The following PRKAG2 variants were observed in gnomAD, a reference collection of about 807,000 sequenced individuals.
The protein encoded by PRKAG2 is protein kinase AMP-activated non-catalytic subunit gamma 2, also known as 5'-AMP-activated protein kinase subunit gamma-2.
PRKAG2 carries 26 observed loss-of-function variants against 69.6 expected under a neutral mutation model. The observed-to-expected ratio is 0.37, with a 90% confidence interval of 0.27 to 0.52. PRKAG2 has a LOEUF of 0.52. Among genes scored for constraint, PRKAG2 ranks in the 20% least tolerant of loss-of-function variants. The probability of loss-of-function intolerance (pLI) is 0.90; values close to 1 mark genes in which losing one functional copy is unlikely to be tolerated. For missense variants in PRKAG2, 557 were observed against 740.0 expected, an observed-to-expected ratio of 0.75 and a Z score of 2.87; for synonymous variants, 293 against 285.0, an observed-to-expected ratio of 1.03 and a Z score of -0.28.
chr7:151,857,055 G>T (rs1448834493), intron 1 of PRKAG2, among the ~76,000 whole-genome samples: 1 of 149,946 alleles, frequency 6.7e-6, no homozygotes, highest in Non-Finnish European at 1.5e-5. Flanking sequence ...TGTAATTTTT[G>T]CAGGCAACAT....
intron 3 of PRKAG2, among the ~76,000 whole-genome samples, chr7:151,723,250 A>G (rs1797404344): frequency 6.6e-6 from 1 of 152,118 alleles, no homozygotes; most frequent in Non-Finnish European, 1.5e-5. Flanking sequence ...GGTTAATAGT[A>G]TACATTTTTG....
chr7:151,744,409 C>T (rs1017016579), intron 3 of PRKAG2, among the ~76,000 whole-genome samples: 12 of 152,148 alleles, frequency 7.9e-5, no homozygotes, highest in Non-Finnish European at 1.2e-4. Flanking sequence ...TGCCTAGCCT[C>T]CACTTGTCCC....
chr7:151,588,987 C>T (rs1812379863), intron 6 of PRKAG2, among the ~76,000 whole-genome samples: 1 of 152,170 alleles, frequency 6.6e-6, no homozygotes, highest in African/African-American at 2.4e-5. Flanking sequence ...CATGCCCATC[C>T]CTCTAACTTG....
In PRKAG2 at chr7:151,579,458, C is replaced by A. The variant is rs537568909; in HGVS notation, c.865-3006G>T. Among the ~76,000 whole-genome samples, 18 of 152,266 alleles carry A rather than the reference C, an allele frequency of 1.2e-4. No homozygotes were observed. In the South Asian group the frequency reaches 3.7e-3, roughly 32 times the overall value. Reference sequence around the variant, plus strand: ...TAGCCATAGCTATTGAAAACCTATGCCAGAAAGTTCTGAGTTTGGCATAAT... The same window carrying A: ...TAGCCATAGCTATTGAAAACCTATGACAGAAAGTTCTGAGTTTGGCATAAT... On this transcript the variant is annotated intron_variant, in intron 6 of 15. Transcript: ENST00000287878.
chr7:151,679,282 G>A (rs1247296364), intron 3 of PRKAG2, among the ~76,000 whole-genome samples: 2 of 152,148 alleles, frequency 1.3e-5, no homozygotes, highest in African/African-American at 4.8e-5. Context: ...AAGCCTGTGT[G>A]CTATTTTGTG....
At chr7:151,558,286 C>G in intron 15 of PRKAG2, 1 of 985,460 alleles carries the variant, frequency 1.0e-6, no homozygotes, top group Non-Finnish European at 1.2e-6. Flanking sequence ...ACCTTCTAAT[C>G]GAGTAACAGC....
chr7:151,686,937 T>TA (rs944366787), intron 3 of PRKAG2, among the ~76,000 whole-genome samples: 21 of 149,612 alleles, frequency 1.4e-4, no homozygotes, highest in Admixed American at 4.0e-4. Context: ...TATTTCTATT[T>TA]AAAAAAAAAA....
chr7:151,658,486 A>AGC (rs1322104894), intron 4 of PRKAG2, among the ~76,000 whole-genome samples: 9 of 150,438 alleles, frequency 6.0e-5, no homozygotes, highest in African/African-American at 2.2e-4. Flanking sequence ...TTGTCGCAAA[A>AGC]AAAAAAAAAA....
At chr7:151,875,809 C>T (rs2080383256) in intron 1 of PRKAG2, among the ~76,000 whole-genome samples, 1 of 152,106 alleles carries the variant, frequency 6.6e-6, no homozygotes, top group Non-Finnish European at 1.5e-5. Flanking sequence ...ATCCGAGTCG[C>T]CAATGTCCTC....
intron 3 of PRKAG2, among the ~76,000 whole-genome samples, chr7:151,702,840 C>G (rs1304599417): frequency 6.6e-6 from 1 of 152,184 alleles, no homozygotes; most frequent in African/African-American, 2.4e-5. Context: ...GCCCAAAGGT[C>G]TCTCCTGGGA....
chr7:151,692,259 C>T (rs1358598785), intron 3 of PRKAG2, among the ~76,000 whole-genome samples: 2 of 152,034 alleles, frequency 1.3e-5, no homozygotes, highest in Non-Finnish European at 2.9e-5. Flanking sequence ...TAGAACACTA[C>T]TCAGTAATAA....
In PRKAG2 at chr7:151,556,342, A is replaced by C. The variant is rs891546936; in HGVS notation, c.*859T>G. On this transcript the variant is annotated 3_prime_UTR_variant, in exon 16 of 16. Coordinates refer to ENST00000287878, the MANE Select transcript of PRKAG2 (RefSeq NM_016203.4). ...ATCAGCAGTCATAACAAACATCATGATTTTACATTTCAATACACAAGAAAA... is the reference window on the plus strand; with the variant it reads ...ATCAGCAGTCATAACAAACATCATGCTTTTACATTTCAATACACAAGAAAA... 1.3e-5 allele frequency: 2 copies of C among 152,578 alleles called. No homozygotes were observed. The highest frequency in any genetic ancestry group is 2.9e-5 in the Non-Finnish European group (2 of 68,054). The allele number at this position is 152,578 out of a possible 1,614,324, so 9.5% of individuals were successfully genotyped here.
rs1563689729 is a variant in PRKAG2, at chr7:151,795,881, AT to A, written c.115-9341del. On this transcript the variant is annotated intron_variant, in intron 1 of 15. Transcript: ENST00000287878. ...TATATATATATATATATATATATAT[AT>A]ATATATATCACGATAATATGTATAT... 8.6e-4 allele frequency among the ~76,000 whole-genome samples: 101 copies of A among 117,056 alleles called. 2 individuals are homozygous for A. Among genetic ancestry groups the A allele is most frequent in the African/African-American group, 3.1e-3 (91 of 29,458 alleles). The allele number at this position is 117,056 out of a possible 152,430, so 76.8% of individuals were successfully genotyped here.
At chr7:151,822,076 C>A (rs2078798554) in intron 1 of PRKAG2, among the ~76,000 whole-genome samples, 1 of 152,208 alleles carries the variant, frequency 6.6e-6, no homozygotes, top group Non-Finnish European at 1.5e-5. Flanking sequence ...GACCTCACCC[C>A]ATGACAACTG....
At chr7:151,630,932 A>G (rs1824255433) in intron 5 of PRKAG2, among the ~76,000 whole-genome samples, 1 of 152,258 alleles carries the variant, frequency 6.6e-6, no homozygotes, top group African/African-American at 2.4e-5. Flanking sequence ...TTTAATGACA[A>G]TGACTATGAA....
chr7:151,564,341 G>T, intron 13 of PRKAG2, 117 bp from the exon 14 acceptor site: 1 of 1,078,884 alleles, frequency 9.3e-7, no homozygotes. Context: ...TCTGAATTTA[G>T]TACCTGCATA....
chr7:151,731,670 G>A (rs115689172), intron 3 of PRKAG2, among the ~76,000 whole-genome samples: 1 of 152,166 alleles, frequency 6.6e-6, no homozygotes, highest in Non-Finnish European at 1.5e-5. Flanking sequence ...AGAGGAGCCC[G>A]TGGTTCCTGG....
intron 3 of PRKAG2, among the ~76,000 whole-genome samples, chr7:151,735,422 G>A (rs1799616975): frequency 6.6e-6 from 1 of 152,134 alleles, no homozygotes; most frequent in African/African-American, 2.4e-5. Context: ...TTCTCCTCAT[G>A]GGGCACAAAT....
chr7:151,564,400 T>A, intron 13 of PRKAG2, 176 bp from the exon 14 acceptor site: 1 of 627,716 alleles, frequency 1.6e-6, no homozygotes, highest in Non-Finnish European at 2.8e-6. Context: ...ACTGTTATTT[T>A]GTCAACATAT....
Sources: allele counts gnomAD v4.1 joint callset (sites outside exome capture counted in the v4.1 genomes callset), GRCh38; gene constraint gnomAD v4.1.1; transcripts MANE v1.5; gene names NCBI Gene and HGNC (gene_info 2026-07-23, HGNC 2026-07-21).